MYLK: variants seen among roughly 807,000 people sequenced by gnomAD.
MYLK encodes the protein myosin light chain kinase, also known as myosin light chain kinase, smooth muscle.
MYLK carries 106 observed loss-of-function variants against 203.4 expected under a neutral mutation model. The ratio of observed to expected loss-of-function variants is 0.52; its 90% CI spans 0.45 to 0.61. The LOEUF is 0.61. MYLK is among the 20% of genes least tolerant of loss of function. MYLK has a pLI of 0.00. For synonymous variants in MYLK, 867 were observed against 959.5 expected, an observed-to-expected ratio of 0.90 and a Z score of 1.78; for missense variants, 2,072 against 2,442.3, an observed-to-expected ratio of 0.85 and a Z score of 3.20.
intron 17 of MYLK, 130 bp from the exon 18 acceptor site, chr3:123,701,135 G>T: frequency 7.8e-7 from 1 of 1,277,638 alleles, no homozygotes; most frequent in Non-Finnish European, 1.1e-6. Context: ...GGGGAGGCCG[G>T]CCAGGCTGTG....
intron 4 of MYLK, among the ~76,000 whole-genome samples, chr3:123,756,217 C>T (rs2063353977): frequency 6.6e-6 from 1 of 152,158 alleles, no homozygotes; most frequent in African/African-American, 2.4e-5. Context: ...CAAAAGTATT[C>T]ATAAGCGTCT....
rs1393384583 is a variant in MYLK at position 123,620,302 on chromosome 3, A to G, written c.5273T>C (p.Leu1758Pro). The G allele has an allele frequency of 6.2e-7, 1 of 1,614,034 alleles. No individual in the cohort carries two copies. The highest frequency in any genetic ancestry group is 8.5e-7 in the Non-Finnish European group (1 of 1,180,042). ...TGNAVRAIGR[L>P]SSMAMISGLS... ...CCCTGAGATCATTGCCATAGAGGAC[A>G]GTCTTCCAATGGCTCTCACAGCATT... is the stretch of plus-strand genomic sequence containing the variant. The change falls in exon 32 of 34, where the codon CTG (leucine) becomes CCG (proline). Residue 1758 changes from leucine to proline, a missense_variant. Leu to Pro is a moderately conservative substitution (Grantham distance 98). This residue lies in a region of MYLK where 524 missense variants were observed against 782.4 expected (regional missense o/e 0.67). Coordinates refer to ENST00000360304, the MANE Select transcript of MYLK (RefSeq NM_053025.4).
intron 4 of MYLK, among the ~76,000 whole-genome samples, chr3:123,756,935 A>C (rs900187003): frequency 1.5e-4 from 23 of 152,312 alleles, no homozygotes; most frequent in African/African-American, 5.5e-4. Flanking sequence ...TTAAATAGTA[A>C]AACTGTGCTC....
chr3:123,721,224 A>G (rs1405783653), intron 13 of MYLK, among the ~76,000 whole-genome samples: 1 of 152,176 alleles, frequency 6.6e-6, no homozygotes, highest in African/African-American at 2.4e-5. Context: ...GATGTTCCTG[A>G]CAGGCCTGAG....
intron 2 of MYLK, among the ~76,000 whole-genome samples, chr3:123,873,583 GT>G (rs558359704): frequency 1.2e-3 from 179 of 152,216 alleles, no homozygotes; most frequent in African/African-American, 3.8e-3. Flanking sequence ...TAATAAGTCA[GT>G]TTAGAAAAGT....
At chr3:123,851,876 T>C (rs939428114) in intron 2 of MYLK, among the ~76,000 whole-genome samples, 11 of 152,184 alleles carry the variant, frequency 7.2e-5, no homozygotes, top group African/African-American at 2.4e-4. Context: ...ATATTGGCTG[T>C]GGGTTTGTCA....
intron 3 of MYLK, among the ~76,000 whole-genome samples, chr3:123,804,622 T>C (rs2065306989): frequency 1.3e-5 from 2 of 152,092 alleles, no homozygotes; most frequent in South Asian, 4.1e-4. Context: ...TGCAGGGAGC[T>C]GGTTCTGTGG....
intron 2 of MYLK, among the ~76,000 whole-genome samples, chr3:123,869,316 A>G (rs1057513490): frequency 2.6e-5 from 4 of 152,184 alleles, no homozygotes; most frequent in Non-Finnish European, 5.9e-5. Context: ...GGTTATTATT[A>G]TCAACAGGTC....
chr3:123,634,938 T>C (rs1685137178), intron 29 of MYLK, among the ~76,000 whole-genome samples: 2 of 152,258 alleles, frequency 1.3e-5, no homozygotes, highest in African/African-American at 4.8e-5. Flanking sequence ...CACAACCTAC[T>C]ATCTCCTTTC....
intron 24 of MYLK, among the ~76,000 whole-genome samples, chr3:123,649,897 T>A (rs2059151080): frequency 2.0e-5 from 3 of 152,188 alleles, no homozygotes; most frequent in Admixed American, 2.0e-4. Context: ...TTGAGTTGCG[T>A]CTTACAGGAA....
intron 3 of MYLK, among the ~76,000 whole-genome samples, chr3:123,824,390 C>G (rs1289962039): frequency 3.3e-5 from 5 of 152,142 alleles, no homozygotes; most frequent in Non-Finnish European, 7.4e-5. Flanking sequence ...GCATCTGGCT[C>G]TTACTGTACT....
intron 20 of MYLK, chr3:123,682,020 G>A: frequency 1.6e-6 from 1 of 642,742 alleles, no homozygotes; most frequent in Non-Finnish European, 2.9e-6. Context: ...AGGCTGGAGA[G>A]AGCACTGGGA....
At chr3:123,751,055 T>C (rs528873039) in intron 5 of MYLK, among the ~76,000 whole-genome samples, 1 of 152,320 alleles carries the variant, frequency 6.6e-6, no homozygotes, top group Admixed American at 6.5e-5. Context: ...CCTGACTACC[T>C]TAATTCTCCA....
At chr3:123,719,827 T>A (rs529703218) in intron 13 of MYLK, among the ~76,000 whole-genome samples, 1 of 152,170 alleles carries the variant, frequency 6.6e-6, no homozygotes, top group East Asian at 1.9e-4. Flanking sequence ...ACTGTGATCA[T>A]CTCCCCCAGC....
At chr3:123,627,002 A>G (rs1424451749) in intron 30 of MYLK, 61 bp from the exon 31 acceptor site, 10 of 1,607,488 alleles carry the variant, frequency 6.2e-6, no homozygotes, top group Non-Finnish European at 8.5e-6. Flanking sequence ...ACCACTGGTT[A>G]GTTCAGAAAT....
intron 4 of MYLK, among the ~76,000 whole-genome samples, chr3:123,783,897 C>T (rs1355799197): frequency 1.3e-5 from 2 of 152,170 alleles, no homozygotes; most frequent in Admixed American, 6.5e-5. Flanking sequence ...ACGGTGCCTC[C>T]CTCTTCCTGG....
intron 4 of MYLK, among the ~76,000 whole-genome samples, chr3:123,791,365 C>T (rs1208703058): frequency 2.0e-5 from 3 of 152,220 alleles, no homozygotes; most frequent in South Asian, 2.1e-4. Context: ...TGTTTAACTT[C>T]GTCTTTGGTA....
chr3:123,649,067 G>A lies in MYLK; in HGVS notation c.4322-3C>T. ...ATCAACCTCGGGCTCCTTCTCATCT[G>A]TGGGGCACAGGTCAGGGTTGGTGTG... On this transcript the variant is annotated splice_polypyrimidine_tract_variant and splice_region_variant and intron_variant, in intron 25 of 33. Transcript: ENST00000360304. 1 of 1,614,162 alleles carries A rather than the reference G, an allele frequency of 6.2e-7. No individual in the cohort carries two copies. The highest frequency in any genetic ancestry group is 8.5e-7 in the Non-Finnish European group (1 of 1,180,002).
chr3:123,738,149 A>G (rs1253234408), intron 7 of MYLK, among the ~76,000 whole-genome samples: 1 of 150,656 alleles, frequency 6.6e-6, no homozygotes, highest in Non-Finnish European at 1.5e-5. Flanking sequence ...TATTATTTCT[A>G]TCTCACCGAT....
Sources: gnomAD v4.1 joint callset for allele counts (sites outside exome capture counted in the v4.1 genomes callset) on GRCh38, gnomAD v4.1.1 for gene constraint, gnomAD v4.1.1 regional missense constraint, MANE v1.5 for transcripts, NCBI Gene and HGNC (gene_info 2026-07-23, HGNC 2026-07-21) for gene names.